Variants in SPTBN2 observed in about 807,000 individuals in gnomAD.
The protein encoded by SPTBN2 is spectrin beta chain, non-erythrocytic 2.
In SPTBN2, 107 loss-of-function variants were observed where a neutral mutation model predicts 284.2. The observed-to-expected ratio is 0.38, with a 90% CI of 0.32 to 0.44. The LOEUF is 0.44. Among genes scored for constraint, SPTBN2 ranks in the 20% least tolerant of loss-of-function variants. The probability of loss-of-function intolerance (pLI) is 1.00; values close to 1 mark genes in which losing one functional copy is unlikely to be tolerated. For missense variants in SPTBN2, 2,569 were observed against 3,287.1 expected, an observed-to-expected ratio of 0.78 and a Z score of 5.34; for synonymous variants, 1,289 against 1,354.8, an observed-to-expected ratio of 0.95 and a Z score of 1.07.
At position 66,684,695 on chromosome 11, in the gene SPTBN2, T is replaced by A. The variant is rs1940000030; in HGVS notation, c.*1176A>T. Among the ~76,000 whole-genome samples the A allele has an allele frequency of 6.6e-6, 1 of 151,970 alleles. No individual in the cohort carries two copies. ...TGTGTGTATATTTACATGCTTGGGCTGTAAAGTCACCTCATGGCTTCCCAG... is the reference window on the plus strand; with the variant it reads ...TGTGTGTATATTTACATGCTTGGGCAGTAAAGTCACCTCATGGCTTCCCAG... On this transcript the variant is annotated 3_prime_UTR_variant, in exon 38 of 38. Coordinates refer to ENST00000533211, the MANE Select transcript of SPTBN2 (RefSeq NM_006946.4).
At position 66,705,741 on chromosome 11, in the gene SPTBN2, C is replaced by T. The variant is rs369540678; in HGVS notation, c.1750G>A (p.Ala584Thr). 2.6e-5 allele frequency: 42 copies of T among 1,612,570 alleles called. No individual in the cohort carries two copies. Among genetic ancestry groups the T allele is most frequent in the Non-Finnish European group, 3.4e-5 (40 of 1,179,976 alleles). ...GCGCTGACGGCCCGCACCCTCTCGG[C>T]CTGCACGGCGATGTCTGCCTCCACC... Reference protein sequence around the residue: ...ELVEADIAVQAERVRAVSASA... With the variant: ...ELVEADIAVQTERVRAVSASA... The change falls in exon 14 of 38, where the codon GCC becomes ACC. Residue 584 changes from alanine (A) to threonine (T), a missense_variant. This residue lies in a region of SPTBN2 where 1,012 missense variants were observed against 1,248.9 expected (regional missense o/e 0.81). Coordinates refer to ENST00000533211, the MANE Select transcript of SPTBN2 (RefSeq NM_006946.4).
At chr11:66,699,187 CG>C (rs1941105835) in intron 18 of SPTBN2, 105 bp from the exon 19 acceptor site, 3 of 1,438,332 alleles carry the variant, frequency 2.1e-6, no homozygotes, top group African/African-American at 2.8e-5. Context: ...TAACGCCTTC[CG>C]GGAGCACAAT....
In SPTBN2 at chr11:66,696,548, G is replaced by T; in HGVS notation, c.4015-8C>A. ...GGTGAGCTCTCGCCCTTCCTGGAAGGCAGGACAGAAAATGTCAAAGTGCCC... is the reference window on the plus strand; with the variant it reads ...GGTGAGCTCTCGCCCTTCCTGGAAGTCAGGACAGAAAATGTCAAAGTGCCC... On this transcript the variant is annotated splice_region_variant and splice_polypyrimidine_tract_variant and intron_variant, in intron 20 of 37. Coordinates refer to ENST00000533211, the MANE Select transcript of SPTBN2 (RefSeq NM_006946.4). 3 of 1,610,242 alleles carry T rather than the reference G, an allele frequency of 1.9e-6. No individual in the cohort carries two copies. Among genetic ancestry groups the T allele is most frequent in the Non-Finnish European group, 2.5e-6 (3 of 1,180,018 alleles).
intron 10 of SPTBN2, among the ~76,000 whole-genome samples, chr11:66,709,245 T>A (rs1208366332): frequency 1.3e-5 from 2 of 152,240 alleles, no homozygotes; most frequent in Non-Finnish European, 2.9e-5. Flanking sequence ...TGGTGCGATC[T>A]GGGTTCGCTG....
At chr11:66,738,051 T>A (rs1565166856) in intron 1 of SPTBN2, among the ~76,000 whole-genome samples, 2 of 151,950 alleles carry the variant, frequency 1.3e-5, no homozygotes, top group African/African-American at 4.8e-5. Context: ...CCCATCTCTA[T>A]GAAAAATACA....
intron 29 of SPTBN2, 62 bp from the exon 30 acceptor site, chr11:66,689,242 G>A (rs1700603464): frequency 1.3e-6 from 2 of 1,535,420 alleles, no homozygotes; most frequent in African/African-American, 1.4e-5. Flanking sequence ...CACGGCCCCT[G>A]GGGAGTCATC....
chr11:66,697,386 G>C (rs539812284), intron 20 of SPTBN2, among the ~76,000 whole-genome samples: 1 of 152,104 alleles, frequency 6.6e-6, no homozygotes, highest in African/African-American at 2.4e-5. Flanking sequence ...GCACTGCCTG[G>C]GTAGCTTCAC....
At chr11:66,698,491 T>C in intron 20 of SPTBN2, 148 bp downstream of exon 20, 1 of 1,184,506 alleles carries the variant, frequency 8.4e-7, no homozygotes, top group Non-Finnish European at 1.2e-6. Context: ...AAGACGTTTG[T>C]TTCCCAGAGG....
At position 66,693,646 on chromosome 11, in the gene SPTBN2, G is replaced by A. The variant is rs1275734796; in HGVS notation, c.4593+126C>T. ...GAGAGGACCCACCCTCCCAAGGTGA[G>A]GAAAGACAGCCACTGAAGTCCAGGG... On this transcript the variant is annotated intron_variant, in intron 23 of 37. Transcript: ENST00000533211. The surrounding 1 kb of genome is among the most constrained non-coding windows in gnomAD (Gnocchi z 5.7). 1.5e-6 allele frequency: 2 copies of A among 1,317,124 alleles called. No individual in the cohort carries two copies. Among genetic ancestry groups the A allele is most frequent in the South Asian group, 1.3e-5 (1 of 78,394 alleles). 81.6% of individuals were successfully genotyped at this position (1,317,124 alleles called of 1,614,324 possible).
intron 1 of SPTBN2, among the ~76,000 whole-genome samples, chr11:66,724,651 G>T (rs985922837): frequency 1.9e-4 from 29 of 152,192 alleles, no homozygotes; most frequent in Non-Finnish European, 4.1e-4. Flanking sequence ...AACATGGACT[G>T]CTTAGGCTTA....
At chr11:66,712,371 A>T (rs1333966470) in intron 8 of SPTBN2, among the ~76,000 whole-genome samples, 1 of 152,134 alleles carries the variant, frequency 6.6e-6, no homozygotes, top group Non-Finnish European at 1.5e-5. Flanking sequence ...ACATGGTGAA[A>T]CCCTGTCTCT....
intron 1 of SPTBN2, 111 bp from the exon 2 acceptor site, chr11:66,721,551 C>T (rs547657361): frequency 4.4e-5 from 19 of 436,258 alleles, no homozygotes; most frequent in Non-Finnish European, 5.1e-5. Context: ...CAGAGAGGGA[C>T]GGGTTTGCGG....
At chr11:66,738,119 G>A (rs1049969633) in intron 1 of SPTBN2, among the ~76,000 whole-genome samples, 3 of 152,156 alleles carry the variant, frequency 2.0e-5, no homozygotes, top group South Asian at 2.1e-4. Flanking sequence ...GGAGGCTGAG[G>A]CAGGAGAATC....
Position 66,693,381 on chromosome 11 carries a change from A to G in SPTBN2, c.4659T>C (p.Ala1553=), listed in dbSNP as rs760850023. ...RIADLRERQR[A]LGAAAAGPEL... ...CTGGACCTGCTGCTGCTGCACCTAG[A>G]GCACGCTGCCGCTCCCTCAGGTCCG... Residue 1553 remains alanine (A), a synonymous_variant, in exon 24 of 38, where the codon GCT becomes GCC. Coordinates refer to ENST00000533211, the MANE Select transcript of SPTBN2 (RefSeq NM_006946.4). The surrounding 1 kb of genome is among the most constrained non-coding windows in gnomAD (Gnocchi z 5.7). 2 of 1,602,870 alleles carry G rather than the reference A, an allele frequency of 1.2e-6. No homozygotes were observed. Among genetic ancestry groups the G allele is most frequent in the African/African-American group, 1.3e-5 (1 of 75,044 alleles).
Position 66,691,371 on chromosome 11 carries a change from G to T in SPTBN2, c.5478C>A (p.Asp1826Glu). 2 of 1,593,276 alleles carry T rather than the reference G, an allele frequency of 1.3e-6. No individual in the cohort carries two copies. Among genetic ancestry groups the T allele is most frequent in the Non-Finnish European group, 1.7e-6 (2 of 1,166,410 alleles). ...CAGCGTTGAGGTCGCGGCCAGTCCC[G>T]TCCGGAAGCTGCTGCTGCTTGTGCT... ...RVQHKQQQLP[D>E]GTGRDLNAAE... Residue 1826 changes from aspartate (D) to glutamate (E), a missense_variant, in exon 27 of 38, where the codon GAC becomes GAA. Physicochemically the swap from Asp to Glu is conservative, Grantham distance 45. Transcript: ENST00000533211. This position sits in a 1 kb window ranked among gnomAD's most constrained non-coding sequence, Gnocchi z 8.0.
chr11:66,701,699 T>C lies in SPTBN2; in HGVS notation c.2701A>G (p.Met901Val), dbSNP rs1183950504. The C allele has an allele frequency of 6.2e-7, 1 of 1,614,084 alleles. No homozygotes were observed. The change falls in exon 16 of 38, where the codon ATG becomes GTG. Residue 901 changes from methionine to valine, a missense_variant. Around this residue, in one of 6 missense-constraint regions of SPTBN2, gnomAD observed 1,012 missense variants for 1,248.9 expected, o/e 0.81. Transcript: ENST00000533211. ...GTGATTTGTGCTGCAAGGGTGTTCA[T>C]TTCAGGCTCCAGGGTCTCGAACCTG... ...QQRFETLEPE[M>V]NTLAAQITAV...
At position 66,698,895 on chromosome 11, in the gene SPTBN2, G is replaced by A. The variant is rs1030184825; in HGVS notation, c.3867+97C>T. 1.3e-5 allele frequency: 21 copies of A among 1,597,492 alleles called. No homozygotes were observed. In the African/African-American group the frequency reaches 2.3e-4, roughly 17 times the overall value. The stretch of plus-strand genomic sequence containing the variant: ...GGCGCCTTGGGAAGAAGCCATGAAG[G>A]GGCTCACAGTCTCCGGTACCTTGTG... On this transcript the variant is annotated intron_variant, in intron 19 of 37. Transcript: ENST00000533211.
intron 15 of SPTBN2, among the ~76,000 whole-genome samples, chr11:66,702,464 C>T (rs530365271): frequency 2.0e-5 from 3 of 152,058 alleles, no homozygotes; most frequent in East Asian, 3.9e-4. Flanking sequence ...CTCGCCTGGC[C>T]GACATTTGAT....
In SPTBN2 at chr11:66,687,717, C is replaced by T. The variant is rs1398844196; in HGVS notation, c.6502-70G>A. ...CCCTAACCTGGGTGCCAGGAAGCTCCGTGTCCAGGAGTTGGTCTTCCTGCC... is the reference window on the plus strand; with the variant it reads ...CCCTAACCTGGGTGCCAGGAAGCTCTGTGTCCAGGAGTTGGTCTTCCTGCC... On this transcript the variant is annotated intron_variant, in intron 34 of 37. Transcript: ENST00000533211. This position sits in a 1 kb window ranked among gnomAD's most constrained non-coding sequence, Gnocchi z 5.2. The T allele has an allele frequency of 5.7e-6, 9 of 1,574,926 alleles. No individual in the cohort carries two copies. Among genetic ancestry groups the T allele is most frequent in the East Asian group, 4.5e-5 (2 of 44,096 alleles).
Sources: allele counts gnomAD v4.1 joint callset (sites outside exome capture counted in the v4.1 genomes callset), GRCh38; gene constraint gnomAD v4.1.1; regional missense constraint gnomAD v4.1.1; non-coding constraint Gnocchi (gnomAD v3.1); transcripts MANE v1.5; gene names NCBI Gene and HGNC (gene_info 2026-07-23, HGNC 2026-07-21).